TRIM2: variants seen among roughly 807,000 people sequenced by gnomAD.
The protein encoded by TRIM2 is tripartite motif containing 2.
In TRIM2, 20 loss-of-function variants were observed where a neutral mutation model predicts 75.2. That is an observed-to-expected ratio of 0.27 (90% confidence interval 0.19 to 0.39). The LOEUF (loss-of-function observed/expected upper bound fraction) is 0.39. Ranked by LOEUF, TRIM2 falls within the 10% of genes least tolerant of loss-of-function variation. TRIM2 has a pLI of 1.00. For missense variants in TRIM2, 660 were observed against 990.8 expected (o/e 0.67, Z 4.48); for synonymous variants, 373 against 388.3 (o/e 0.96, Z 0.46).
At chr4:153,260,694 CCCCCCCCACACA>C (rs1560902774) in intron 1 of TRIM2, among the ~76,000 whole-genome samples, 4 of 51,404 alleles carry the variant, frequency 7.8e-5, no homozygotes, top group African/African-American at 1.4e-4. Context: ...ACACCCACCC[CCCCCCCCACACA>C]CACACACACA....
chr4:153,254,131 G>T (rs1751504918), intron 1 of TRIM2, among the ~76,000 whole-genome samples: 1 of 152,144 alleles, frequency 6.6e-6, no homozygotes, highest in South Asian at 2.1e-4. Context: ...ATGCCGGATT[G>T]TAAATTACTT....
intron 1 of TRIM2, among the ~76,000 whole-genome samples, 185 bp from the exon 2 acceptor site, chr4:153,270,150 G>A (rs909928473): frequency 2.6e-5 from 4 of 151,838 alleles, no homozygotes; most frequent in Admixed American, 6.6e-5. Flanking sequence ...GGAGGGTCTC[G>A]ATCTCTTGAC....
In TRIM2 at chr4:153,232,647, G is replaced by A. The variant is rs533715693; in HGVS notation, c.30+28087G>A. Among the ~76,000 whole-genome samples the A allele has an allele frequency of 1.4e-4, 22 of 152,240 alleles. 1 individual carries two copies. The South Asian group carries it at 4.3e-3, about 30-fold the overall frequency. On this transcript the variant is annotated intron_variant, in intron 1 of 11. Transcript: ENST00000338700. ...GAAGGGAGGGAACTAGAGGCCATAGGTTGGGGCGGGGGTGGAGAAAAGTAG... is the reference window on the plus strand; with the variant it reads ...GAAGGGAGGGAACTAGAGGCCATAGATTGGGGCGGGGGTGGAGAAAAGTAG...
At chr4:153,215,252 G>T (rs1266679318) in intron 1 of TRIM2, among the ~76,000 whole-genome samples, 1 of 152,086 alleles carries the variant, frequency 6.6e-6, no homozygotes, top group East Asian at 1.9e-4. Context: ...TGATTACTGA[G>T]ATCTAGACAT....
intron 1 of TRIM2, among the ~76,000 whole-genome samples, chr4:153,245,082 C>T (rs1748764273): frequency 6.6e-6 from 1 of 152,200 alleles, no homozygotes; most frequent in Admixed American, 6.5e-5. Context: ...GTGCACAGCA[C>T]TGAGAAGCAA....
At chr4:153,196,423 C>A (rs1733785710) in intron 1 of TRIM2, among the ~76,000 whole-genome samples, 1 of 152,102 alleles carries the variant, frequency 6.6e-6, no homozygotes, top group Admixed American at 6.6e-5. Context: ...TGGGACAGGG[C>A]AAGACCCTGT....
Position 153,159,294 on chromosome 4 carries a change from ATCT to A in TRIM2, c.-49+6026_-49+6028del, listed in dbSNP as rs1390152411. Among the ~76,000 whole-genome samples the A allele has an allele frequency of 5.8e-5, 6 of 104,346 alleles. No individual in the cohort carries two copies. In the East Asian group the frequency reaches 1.6e-3, roughly 28 times the overall value. 68.5% of individuals were successfully genotyped at this position (104,346 alleles called of 152,430 possible). A position where few individuals can be genotyped will look rare whatever the true frequency, so the allele number is the denominator to read the frequency against. On this transcript the variant is annotated intron_variant, in intron 1 of 11. Coordinates refer to the TRIM2 transcript ENST00000437508. ...TAGAAGTTCATTGAGTTTTTACAAA[ATCT>A]TTTTTTTTTTTTTTTTTTTTTGTAG...
chr4:153,207,255 GC>G (rs2149696268), intron 1 of TRIM2, among the ~76,000 whole-genome samples: 1 of 152,276 alleles, frequency 6.6e-6, no homozygotes, highest in East Asian at 1.9e-4. Flanking sequence ...TCCAGGAAGG[GC>G]CAGCCACACT....
intron 6 of TRIM2, among the ~76,000 whole-genome samples, chr4:153,314,023 A>G (rs13113993): frequency 0.21 from 31,452 of 152,042 alleles, 3,590 homozygotes; most frequent in African/African-American, 0.3. Flanking sequence ...CTTCCTGGTC[A>G]TTTTTGAGCA....
rs1417601790 is a variant in TRIM2, at chr4:153,156,144, A to G, written c.-49+2874A>G. 2.6e-5 allele frequency among the ~76,000 whole-genome samples: 4 copies of G among 152,224 alleles called. No homozygotes were observed. The East Asian group carries it at 5.8e-4, about 22-fold the overall frequency. On this transcript the variant is annotated intron_variant, in intron 1 of 11. Coordinates refer to the TRIM2 transcript ENST00000437508. The stretch of plus-strand genomic sequence containing the variant: ...CCCAGCCGAAGCTGGCCCCTCATCC[A>G]GATAGGCAACTGCAACCAGACTTTT...
At chr4:153,162,839 C>A (rs906114596) in intron 1 of TRIM2, among the ~76,000 whole-genome samples, 4 of 152,106 alleles carry the variant, frequency 2.6e-5, no homozygotes, top group Non-Finnish European at 5.9e-5. Context: ...ACCCAAGATG[C>A]CACCTGAGGG....
At chr4:153,182,482 C>G (rs950517847) in intron 1 of TRIM2, among the ~76,000 whole-genome samples, 2 of 152,112 alleles carry the variant, frequency 1.3e-5, no homozygotes, top group Admixed American at 6.5e-5. Context: ...TTGCCCGTGA[C>G]TCGGTTTCCT....
chr4:153,289,875 A>T (rs1761477176), intron 3 of TRIM2, among the ~76,000 whole-genome samples: 1 of 152,188 alleles, frequency 6.6e-6, no homozygotes, highest in East Asian at 1.9e-4. Flanking sequence ...CTCAGTCCAT[A>T]CACTTATATT....
In TRIM2 at chr4:153,335,740, C is replaced by T; in HGVS notation, c.*774C>T. On this transcript the variant is annotated 3_prime_UTR_variant, in exon 12 of 12. Coordinates refer to ENST00000338700, the MANE Select transcript of TRIM2 (RefSeq NM_015271.5). Reference sequence around the variant, plus strand: ...ATGCTACCTTTTGGGAAACAAACTGCCCCGTTAACTCCAGATCATTGCACT... The same window carrying T: ...ATGCTACCTTTTGGGAAACAAACTGTCCCGTTAACTCCAGATCATTGCACT... 1 of 985,762 alleles carries T rather than the reference C, an allele frequency of 1.0e-6. No homozygotes were observed. The highest frequency in any genetic ancestry group is 1.7e-5 in the African/African-American group (1 of 57,352). The allele number at this position is 985,762 out of a possible 1,614,324, so 61.1% of individuals were successfully genotyped here. A position where few individuals can be genotyped will look rare whatever the true frequency, so the allele number is the denominator to read the frequency against.
At chr4:153,235,849 C>T (rs549051051) in intron 1 of TRIM2, among the ~76,000 whole-genome samples, 55 of 152,260 alleles carry the variant, frequency 3.6e-4, no homozygotes, top group African/African-American at 1.3e-3. Context: ...ACCCAAGTGT[C>T]ACCTCCTCCG....
chr4:153,271,461 G>T lies in TRIM2; in HGVS notation c.215+942G>T, dbSNP rs75076176. Among the ~76,000 whole-genome samples, 1,181 of 152,180 alleles carry T rather than the reference G, an allele frequency of 7.8e-3. 16 individuals are homozygous for T. The highest frequency in any genetic ancestry group is 0.026 in the African/African-American group (1,095 of 41,514). ...TTTTTGAGTTGATTTACTTTGCAAG[G>T]TTCAATTGCAAAAGAATAACCATAT... On this transcript the variant is annotated intron_variant, in intron 2 of 11. Coordinates refer to ENST00000338700, the MANE Select transcript of TRIM2 (RefSeq NM_015271.5).
intron 2 of TRIM2, among the ~76,000 whole-genome samples, chr4:153,272,031 C>T (rs1179061633): frequency 6.6e-6 from 1 of 152,258 alleles, no homozygotes; most frequent in Non-Finnish European, 1.5e-5. Context: ...TTCCACTCCC[C>T]ACCCAATAGC....
At chr4:153,203,394 TACACAC>T (rs35049904), upstream of TRIM2, among the ~76,000 whole-genome samples, 1,267 of 141,358 alleles carry the variant, frequency 9.0e-3, 10 homozygotes, top group African/African-American at 0.028. Flanking sequence ...CCCACATCTC[TACACAC>T]ACACACACAC....
chr4:153,266,238 C>T lies in TRIM2; in HGVS notation c.31-4097C>T, dbSNP rs543640316. Among the ~76,000 whole-genome samples the T allele has an allele frequency of 3.4e-4, 51 of 152,194 alleles. No homozygotes were observed. The South Asian group carries it at 6.0e-3, about 18-fold the overall frequency. On this transcript the variant is annotated intron_variant, in intron 1 of 11. Transcript: ENST00000338700. ...AGGCTGGAGTGCAGGGGCATGCTAACGGCTCATTGCAGCCTTGACCTCCCG... is the reference window on the plus strand; with the variant it reads ...AGGCTGGAGTGCAGGGGCATGCTAATGGCTCATTGCAGCCTTGACCTCCCG...
Sources: gnomAD v4.1 joint callset for allele counts (sites outside exome capture counted in the v4.1 genomes callset) on GRCh38, gnomAD v4.1.1 for gene constraint, MANE v1.5 for transcripts, NCBI Gene and HGNC (gene_info 2026-07-23, HGNC 2026-07-21) for gene names.